Variants in EML5 observed in about 807,000 individuals in gnomAD.
EML5 encodes EMAP like 5.
EML5 carries 120 observed loss-of-function variants against 250.0 expected under a neutral mutation model. The observed-to-expected ratio is 0.48, with a 90% CI of 0.41 to 0.56. The LOEUF (loss-of-function observed/expected upper bound fraction) is 0.56, where lower values mean the gene tolerates loss of function less well. Among genes scored for constraint, EML5 ranks in the 20% least tolerant of loss-of-function variants. The pLI is 0.00. For missense variants in EML5, 2,006 were observed against 2,437.6 expected, an observed-to-expected ratio of 0.82 and a Z score of 3.73; for synonymous variants, 771 against 806.5, an observed-to-expected ratio of 0.96 and a Z score of 0.75.
intron 20 of EML5, 32 bp from the exon 21 acceptor site, chr14:88,682,063 A>G (rs758829753): frequency 3.4e-5 from 53 of 1,537,808 alleles, no homozygotes; most frequent in Admixed American, 3.2e-4. Context: ...AATTTAGTGT[A>G]TGTGTGTGTA....
At chr14:88,651,911 T>C (rs1195843311) in intron 27 of EML5, among the ~76,000 whole-genome samples, 1 of 152,184 alleles carries the variant, frequency 6.6e-6, no homozygotes, top group African/African-American at 2.4e-5. Context: ...TTATTTCATT[T>C]AAAACTTGAA....
chr14:88,710,917 C>T (rs150042908), intron 10 of EML5, among the ~76,000 whole-genome samples: 3 of 152,278 alleles, frequency 2.0e-5, no homozygotes, highest in African/African-American at 7.2e-5. Flanking sequence ...GCAATAATAT[C>T]GACTTCTCTC....
chr14:88,776,961 A>G (rs2094452976), intron 1 of EML5, among the ~76,000 whole-genome samples: 1 of 152,172 alleles, frequency 6.6e-6, no homozygotes, highest in Non-Finnish European at 1.5e-5. Context: ...AAGGGCAAAT[A>G]AAGGAGTTAC....
intron 8 of EML5, among the ~76,000 whole-genome samples, chr14:88,726,018 C>T (rs1281565367): frequency 6.6e-6 from 1 of 152,202 alleles, no homozygotes; most frequent in Non-Finnish European, 1.5e-5. Flanking sequence ...TTCTTACTGA[C>T]TGCATAGAAT....
intron 29 of EML5, 198 bp from the exon 30 acceptor site, chr14:88,644,709 CATTTT>C (rs1239571082): frequency 2.5e-5 from 12 of 482,882 alleles, no homozygotes; most frequent in Admixed American, 3.6e-5. Context: ...AACTTTTATT[CATTTT>C]ATTTTATTTT....
Position 88,720,271 on chromosome 14 carries a change from C to T in EML5, c.1188-5076G>A, listed in dbSNP as rs138221387. Reference sequence around the variant, plus strand: ...CAACAATTGATAAGGAGGGACTCCTCCCTAACTCATTTTATGAGGCCAGCA... The same window carrying T: ...CAACAATTGATAAGGAGGGACTCCTTCCTAACTCATTTTATGAGGCCAGCA... On this transcript the variant is annotated intron_variant, in intron 8 of 43. Transcript: ENST00000554922. Among the ~76,000 whole-genome samples the T allele has an allele frequency of 8.4e-3, 1,280 of 152,252 alleles. 15 individuals carry two copies. The highest frequency in any genetic ancestry group is 0.03 in the African/African-American group (1,226 of 41,534).
chr14:88,627,001 A>G lies in EML5; in HGVS notation c.4577T>C (p.Val1526Ala), dbSNP rs1479952735. 5.6e-6 allele frequency: 9 copies of G among 1,613,902 alleles called. No homozygotes were observed. The highest frequency in any genetic ancestry group is 5.5e-5 in the South Asian group (5 of 91,088). The change falls in exon 35 of 44, where the codon GTG becomes GCG. Residue 1526 changes from valine (V) to alanine (A), a missense_variant. Physicochemically the swap from Val to Ala is moderately conservative, Grantham distance 64. Around this residue, in one of 7 missense-constraint regions of EML5, gnomAD observed 405 missense variants for 523.3 expected, o/e 0.77. Transcript: ENST00000554922. Reference protein sequence around the residue: ...SRAGHNQRIFVAEFRPDSDTQ... With the variant: ...SRAGHNQRIFAAEFRPDSDTQ... ...ATCTGAATCTGGTCGGAATTCTGCC[A>G]CAAAAATACGTTGATTGTGACCAGC...
At chr14:88,661,089 G>A (rs1304536909) in intron 25 of EML5, among the ~76,000 whole-genome samples, 1 of 152,036 alleles carries the variant, frequency 6.6e-6, no homozygotes, top group South Asian at 2.1e-4. Context: ...GGGATAAAAG[G>A]AATGTGTCTC....
intron 10 of EML5, 136 bp downstream of exon 10, chr14:88,712,135 T>C (rs2093418777): frequency 1.6e-6 from 1 of 635,064 alleles, no homozygotes; most frequent in African/African-American, 1.8e-5. Context: ...ATTTTTGAAT[T>C]AGAAAAATGA....
At chr14:88,742,306 A>G (rs1014964629) in intron 4 of EML5, among the ~76,000 whole-genome samples, 1 of 152,180 alleles carries the variant, frequency 6.6e-6, no homozygotes, top group African/African-American at 2.4e-5. Context: ...ATACATAAGC[A>G]TATGAAATGT....
intron 31 of EML5, among the ~76,000 whole-genome samples, chr14:88,639,152 G>T (rs2090915700): frequency 6.6e-6 from 1 of 152,122 alleles, no homozygotes; most frequent in African/African-American, 2.4e-5. Flanking sequence ...CAAGAGAGTT[G>T]GGATCAAAAT....
chr14:88,788,489 A>T (rs551917635), intron 1 of EML5, among the ~76,000 whole-genome samples: 4 of 152,066 alleles, frequency 2.6e-5, no homozygotes, highest in Non-Finnish European at 5.9e-5. Context: ...TTTCAGATGC[A>T]TCGTCATTTG....
chr14:88,740,679 T>C (rs2093911772), intron 4 of EML5, 107 bp from the exon 5 acceptor site: 1 of 972,256 alleles, frequency 1.0e-6, no homozygotes, highest in Non-Finnish European at 1.5e-6. Flanking sequence ...AAAAATTAAC[T>C]AAGAAATTGC....
chr14:88,717,612 A>G (rs759238733), intron 8 of EML5, among the ~76,000 whole-genome samples: 3 of 151,940 alleles, frequency 2.0e-5, no homozygotes, highest in Non-Finnish European at 2.9e-5. Flanking sequence ...AAAATTAGCC[A>G]GGTGTGGTGG....
chr14:88,642,809 G>T, intron 31 of EML5, 84 bp downstream of exon 31: 1 of 1,304,084 alleles, frequency 7.7e-7, no homozygotes, highest in Non-Finnish European at 1.0e-6. Flanking sequence ...ACTATTTATA[G>T]CTTTAACAAA....
intron 7 of EML5, 48 bp downstream of exon 7, chr14:88,736,316 A>G: frequency 6.3e-7 from 1 of 1,598,092 alleles, no homozygotes; most frequent in Non-Finnish European, 8.6e-7. Context: ...CTTTATGTTT[A>G]TCTAAGGATA....
At chr14:88,661,135 C>A (rs2092084971) in intron 25 of EML5, among the ~76,000 whole-genome samples, 1 of 152,186 alleles carries the variant, frequency 6.6e-6, no homozygotes, top group Non-Finnish European at 1.5e-5. Context: ...GTCACCCAGA[C>A]TGGTGTGCAA....
In EML5 at chr14:88,651,284, A is replaced by T. The variant is rs577311207; in HGVS notation, c.4005-1358T>A. Among the ~76,000 whole-genome samples, 11 of 151,690 alleles carry T rather than the reference A, an allele frequency of 7.3e-5. No individual in the cohort carries two copies. In the East Asian group the frequency reaches 1.8e-3, roughly 24 times the overall value. On this transcript the variant is annotated intron_variant, in intron 27 of 43. Transcript: ENST00000554922. ...ATATTTAGCAGGGTTGAAATTGTAAAGTAAATTGAGAACAAAATGCAAAGC... is the reference window on the plus strand; with the variant it reads ...ATATTTAGCAGGGTTGAAATTGTAATGTAAATTGAGAACAAAATGCAAAGC...
rs772152070 is a variant in EML5, at chr14:88,620,744, G to A, written c.5375+10C>T. On this transcript the variant is annotated intron_variant, in intron 39 of 43. Coordinates refer to ENST00000554922, the MANE Select transcript of EML5 (RefSeq NM_183387.3). This position sits in a 1 kb window ranked among gnomAD's most constrained non-coding sequence, Gnocchi z 4.3. ...ATATACTAGAAACTCTATTCCATTT[G>A]TTCACTAACCTGATATCATGGATTG... is the stretch of plus-strand genomic sequence containing the variant. The A allele has an allele frequency of 6.4e-7, 1 of 1,563,126 alleles. No individual in the cohort carries two copies. Among genetic ancestry groups the A allele is most frequent in the South Asian group, 1.2e-5 (1 of 81,120 alleles).
Sources: allele counts gnomAD v4.1 joint callset (sites outside exome capture counted in the v4.1 genomes callset), GRCh38; gene constraint gnomAD v4.1.1; regional missense constraint gnomAD v4.1.1; non-coding constraint Gnocchi (gnomAD v3.1); transcripts MANE v1.5; gene names NCBI Gene and HGNC (gene_info 2026-07-23, HGNC 2026-07-21).